Variants in QRFPR observed in about 807,000 individuals in gnomAD.
The protein encoded by QRFPR is pyroglutamylated RFamide peptide receptor, also known as pyroglutamylated RF-amide peptide receptor.
QRFPR carries 37 observed loss-of-function variants against 31.3 expected under a neutral mutation model. The observed-to-expected ratio is 1.18, with a 90% CI of 0.91 to 1.56. The LOEUF is 1.56. QRFPR is among the 40% of genes most tolerant of loss of function. QRFPR has a pLI of 0.00. For missense variants in QRFPR, 542 were observed against 532.5 expected, an observed-to-expected ratio of 1.02 and a Z score of -0.18; for synonymous variants, 197 against 192.0, an observed-to-expected ratio of 1.03 and a Z score of -0.22.
intron 1 of QRFPR, chr4:121,369,782 C>T (rs1726197662): frequency 6.4e-7 from 1 of 1,574,032 alleles, no homozygotes; most frequent in East Asian, 2.2e-5. Flanking sequence ...GAACCAGCCC[C>T]TGGGTCTCTG....
intron 1 of QRFPR, among the ~76,000 whole-genome samples, chr4:121,377,785 C>G (rs796619200): frequency 3.9e-5 from 6 of 152,262 alleles, no homozygotes; most frequent in African/African-American, 1.4e-4. Flanking sequence ...ACTTTACTCA[C>G]TTTTGTACTC....
At chr4:121,356,041 A>G (rs1475040403) in intron 1 of QRFPR, among the ~76,000 whole-genome samples, 1 of 152,072 alleles carries the variant, frequency 6.6e-6, no homozygotes, top group Non-Finnish European at 1.5e-5. Flanking sequence ...GCAGCTGTTG[A>G]ATGAAATGTT....
In QRFPR at chr4:121,332,083, A is replaced by T. The variant is rs563765194; in HGVS notation, c.797+738T>A. Among the ~76,000 whole-genome samples, 4 of 152,278 alleles carry T rather than the reference A, an allele frequency of 2.6e-5. No homozygotes were observed. In the South Asian group the frequency reaches 8.3e-4, roughly 32 times the overall value. On this transcript the variant is annotated intron_variant, in intron 4 of 5. Transcript: ENST00000394427. The stretch of plus-strand genomic sequence containing the variant: ...TGACAAGAAGGGTTTCTTTATTCAA[A>T]CTGAGCACTAGAGCACTAGAGATCA...
chr4:121,371,717 G>T (rs1333892838), intron 1 of QRFPR, among the ~76,000 whole-genome samples: 1 of 152,106 alleles, frequency 6.6e-6, no homozygotes, highest in Admixed American at 6.5e-5. Context: ...AGACATAAAT[G>T]GCCAACTCTG....
chr4:121,380,485 T>C lies in QRFPR; in HGVS notation c.163A>G (p.Ile55Val). 1 of 1,614,164 alleles carries C rather than the reference T, an allele frequency of 6.2e-7. No individual in the cohort carries two copies. Among genetic ancestry groups the C allele is most frequent in the Non-Finnish European group, 8.5e-7 (1 of 1,179,994 alleles). Residue 55 changes from isoleucine (I) to valine (V), a missense_variant, in exon 1 of 6, where the codon ATC becomes GTC. Coordinates refer to ENST00000394427, the MANE Select transcript of QRFPR (RefSeq NM_198179.3). ...TTGCCAAAGAGCGCCAGGGCGAAGA[T>C]GAGCACGCCGGTGAGCACGAGGGCC... ...KLALVLTGVLIFALALFGNAL... is the reference protein window; with the variant it reads ...KLALVLTGVLVFALALFGNAL...
chr4:121,350,191 T>C (rs900674382), intron 1 of QRFPR, among the ~76,000 whole-genome samples: 2 of 152,192 alleles, frequency 1.3e-5, no homozygotes, highest in Admixed American at 6.5e-5. Context: ...GGGATGCAGG[T>C]GTCATTTTAG....
At chr4:121,367,881 G>GTTT (rs1430938699) in intron 1 of QRFPR, among the ~76,000 whole-genome samples, 1 of 25,302 alleles carries the variant, frequency 4.0e-5, no homozygotes, top group Non-Finnish European at 7.2e-5. Flanking sequence ...AACATTTGCA[G>GTTT]ATTTTTTTTT....
intron 1 of QRFPR, among the ~76,000 whole-genome samples, chr4:121,345,317 G>A (rs1468885290): frequency 6.6e-6 from 1 of 152,162 alleles, no homozygotes; most frequent in African/African-American, 2.4e-5. Flanking sequence ...GAGCTCCCTT[G>A]GTCGCTTTCT....
At chr4:121,365,558 ATATATAT>A (rs1560743726) in intron 1 of QRFPR, among the ~76,000 whole-genome samples, 62 of 5,106 alleles carry the variant, frequency 0.012, no homozygotes, top group Non-Finnish European at 0.015. Flanking sequence ...ATAATATATA[ATATATAT>A]TATATATAAT....
At chr4:121,362,551 G>T (rs1312584150) in intron 1 of QRFPR, among the ~76,000 whole-genome samples, 2 of 150,052 alleles carry the variant, frequency 1.3e-5, no homozygotes, top group Non-Finnish European at 3.0e-5. Context: ...AAGTTGGAAG[G>T]CTGACACTAC....
chr4:121,337,184 T>A (rs1725452196), intron 2 of QRFPR, among the ~76,000 whole-genome samples: 1 of 152,204 alleles, frequency 6.6e-6, no homozygotes, highest in South Asian at 2.1e-4. Context: ...TTTCTGTCCA[T>A]GCTCTTCACA....
At chr4:121,379,914 G>A (rs888904113) in intron 1 of QRFPR, among the ~76,000 whole-genome samples, 5 of 151,972 alleles carry the variant, frequency 3.3e-5, no homozygotes, top group African/African-American at 1.2e-4. Context: ...AGAAAACTAG[G>A]GGAGAAAAAC....
In QRFPR at chr4:121,369,807, G is replaced by A; in HGVS notation, c.340+10501C>T. On this transcript the variant is annotated intron_variant, in intron 1 of 5. Coordinates refer to ENST00000394427, the MANE Select transcript of QRFPR (RefSeq NM_198179.3). ...CTGGGTCTCTGCTTAGGTGAAAAGT[G>A]AGAAGTGGTGCTTGGGGTGGACAGG... The A allele has an allele frequency of 2.9e-6, 4 of 1,396,658 alleles. No homozygotes were observed. The Middle Eastern group carries it at 9.9e-4, about 346-fold the overall frequency. The allele number at this position is 1,396,658 out of a possible 1,614,324, so 86.5% of individuals were successfully genotyped here. A position where few individuals can be genotyped will look rare whatever the true frequency, so the allele number is the denominator to read the frequency against.
chr4:121,332,462 C>T (rs755387886), intron 4 of QRFPR, among the ~76,000 whole-genome samples: 2 of 152,124 alleles, frequency 1.3e-5, no homozygotes, highest in Non-Finnish European at 2.9e-5. Context: ...GAAGCAGGGC[C>T]TTGGGAGTGA....
At chr4:121,377,290 C>G (rs571165544) in intron 1 of QRFPR, among the ~76,000 whole-genome samples, 1 of 152,292 alleles carries the variant, frequency 6.6e-6, no homozygotes, top group East Asian at 1.9e-4. Flanking sequence ...AGGAGACAGT[C>G]TTCCTTTTGT....
chr4:121,331,968 C>G (rs1725336745), intron 4 of QRFPR, among the ~76,000 whole-genome samples: 1 of 152,122 alleles, frequency 6.6e-6, no homozygotes, highest in Non-Finnish European at 1.5e-5. Context: ...TCTCTTATTT[C>G]AACATGGCAG....
intron 1 of QRFPR, among the ~76,000 whole-genome samples, chr4:121,359,816 T>A (rs1431682292): frequency 6.6e-6 from 1 of 151,630 alleles, no homozygotes; most frequent in African/African-American, 2.4e-5. Flanking sequence ...TGTGTGTGTG[T>A]GTATATATAT....
At chr4:121,365,600 AT>A (rs1255332210) in intron 1 of QRFPR, among the ~76,000 whole-genome samples, 4,587 of 12,064 alleles carry the variant, frequency 0.38, 482 homozygotes, top group East Asian at 0.52. Context: ...TTATATATAT[AT>A]AATATATATA....
rs1286190292 is a variant in QRFPR at position 121,365,542 on chromosome 4, TTA to T, written c.340+14764_340+14765del. On this transcript the variant is annotated intron_variant, in intron 1 of 5. Transcript: ENST00000394427. ...TTATATATATTATATATAATATATA[TTA>T]TATATAATATATAATATATATTATA... Among the ~76,000 whole-genome samples, 13 of 19,564 alleles carry T rather than the reference TTA, an allele frequency of 6.6e-4. No homozygotes were observed. In the East Asian group the frequency reaches 8.7e-3, roughly 13 times the overall value. 12.8% of individuals were successfully genotyped at this position (19,564 alleles called of 152,430 possible). A position where few individuals can be genotyped will look rare whatever the true frequency, so the allele number is the denominator to read the frequency against.
Sources: allele counts gnomAD v4.1 joint callset (sites outside exome capture counted in the v4.1 genomes callset), GRCh38; gene constraint gnomAD v4.1.1; transcripts MANE v1.5; gene names NCBI Gene and HGNC (gene_info 2026-07-23, HGNC 2026-07-21).